HIVEP2: variants seen among roughly 807,000 people sequenced by gnomAD.
HIVEP2 encodes the protein transcription factor HIVEP2.
Under a neutral mutation model 180.7 loss-of-function variants are expected in HIVEP2, and 14 were observed. That is an observed-to-expected ratio of 0.08 (90% CI 0.05 to 0.12). The LOEUF (loss-of-function observed/expected upper bound fraction) is 0.12, where lower values mean the gene tolerates loss of function less well. Ranked by LOEUF, HIVEP2 falls within the 10% of genes least tolerant of loss-of-function variation. HIVEP2 has a pLI of 1.00. For synonymous variants in HIVEP2, 1,184 were observed against 1,136.4 expected (o/e 1.04, Z -0.84); for missense variants, 2,579 against 3,008.5 (o/e 0.86, Z 3.34).
chr6:142,826,632 G>C (rs535484413), intron 2 of HIVEP2, among the ~76,000 whole-genome samples: 1 of 152,252 alleles, frequency 6.6e-6, no homozygotes, highest in South Asian at 2.1e-4. Context: ...AGAATGCATG[G>C]CAATTTTTTC....
intron 1 of HIVEP2, among the ~76,000 whole-genome samples, chr6:142,880,798 G>T (rs1172970064): frequency 1.3e-5 from 2 of 152,072 alleles, no homozygotes; most frequent in African/African-American, 4.8e-5. Context: ...GGCACAATTT[G>T]AGGCCACAAT....
At chr6:142,796,773 C>T (rs547672994) in intron 2 of HIVEP2, among the ~76,000 whole-genome samples, 1 of 152,232 alleles carries the variant, frequency 6.6e-6, no homozygotes, top group South Asian at 2.1e-4. Flanking sequence ...TGTGCAAGAA[C>T]CAGGAGAGAT....
At position 142,761,483 on chromosome 6, in the gene HIVEP2, A is replaced by T; in HGVS notation, c.5601T>A (p.Asp1867Glu). The T allele has an allele frequency of 6.3e-7, 1 of 1,593,846 alleles. No individual in the cohort carries two copies. Among genetic ancestry groups the T allele is most frequent in the Non-Finnish European group, 8.6e-7 (1 of 1,161,682 alleles). ...ACACACCTGCTTCCTCAGTTTCTGT[A>T]TCATCCACCGATGTCATTGAGACTC... is the stretch of plus-strand genomic sequence containing the variant. ...ELGVSMTSVD[D>E]TETEEAENLE... The change falls in exon 8 of 10, where the codon GAT (aspartate) becomes GAA (glutamate). Residue 1867 changes from aspartate (D) to glutamate (E), a missense_variant. By Grantham distance (45) the Asp-to-Glu change is conservative (BLOSUM62 2). This residue lies in a region of HIVEP2 where 660 missense variants were observed against 731.7 expected (regional missense o/e 0.90). Transcript: ENST00000367603.
At chr6:142,831,092 C>T (rs996448196) in intron 2 of HIVEP2, among the ~76,000 whole-genome samples, 4 of 152,162 alleles carry the variant, frequency 2.6e-5, no homozygotes, top group African/African-American at 9.7e-5. Flanking sequence ...TGCCTGGGAT[C>T]CAGGGACAAT....
At chr6:142,938,304 A>C (rs1191830952) in intron 1 of HIVEP2, among the ~76,000 whole-genome samples, 1 of 152,246 alleles carries the variant, frequency 6.6e-6, no homozygotes, top group African/African-American at 2.4e-5. Flanking sequence ...GCAGTATAAA[A>C]TAACCTCAAT....
upstream of HIVEP2, among the ~76,000 whole-genome samples, chr6:142,945,617 G>T (rs2128442940): frequency 6.6e-6 from 1 of 152,340 alleles, no homozygotes; most frequent in South Asian, 2.1e-4. The surrounding 1 kb of genome is among the most constrained non-coding windows in gnomAD (Gnocchi z 5.5). Flanking sequence ...GAACGAGCCG[G>T]GAGACCCTCC....
intron 2 of HIVEP2, among the ~76,000 whole-genome samples, chr6:142,800,476 T>C (rs954934926): frequency 6.6e-6 from 1 of 152,152 alleles, no homozygotes; most frequent in Non-Finnish European, 1.5e-5. Context: ...TTTTTATATA[T>C]GCCTAATATG....
chr6:142,779,121 G>C (rs1490962620), intron 3 of HIVEP2, among the ~76,000 whole-genome samples: 1 of 152,022 alleles, frequency 6.6e-6, no homozygotes, highest in Non-Finnish European at 1.5e-5. Context: ...TAGAGGAGGG[G>C]GGTCTCACTT....
chr6:142,851,461 G>A (rs896118287), intron 1 of HIVEP2, among the ~76,000 whole-genome samples: 23 of 152,244 alleles, frequency 1.5e-4, no homozygotes, highest in African/African-American at 4.6e-4. Context: ...CGGTAATGGA[G>A]TTTGAAACAA....
At chr6:142,790,586 T>C (rs982396696) in intron 2 of HIVEP2, among the ~76,000 whole-genome samples, 1 of 152,226 alleles carries the variant, frequency 6.6e-6, no homozygotes, top group Non-Finnish European at 1.5e-5. Context: ...AATGCTTATG[T>C]TTACTATTCG....
chr6:142,930,968 T>A (rs1777929901), intron 1 of HIVEP2, among the ~76,000 whole-genome samples: 1 of 152,156 alleles, frequency 6.6e-6, no homozygotes, highest in Non-Finnish European at 1.5e-5. Context: ...AAAAGAAAAG[T>A]TCCAAAATCA....
intron 3 of HIVEP2, chr6:142,779,630 C>T (rs1490472464): frequency 1.3e-5 from 2 of 151,816 alleles, no homozygotes; most frequent in Admixed American, 6.6e-5. Flanking sequence ...AACAAACAAA[C>T]AAACAAAACA....
At chr6:142,895,513 G>A (rs1776964216) in intron 1 of HIVEP2, among the ~76,000 whole-genome samples, 1 of 152,144 alleles carries the variant, frequency 6.6e-6, no homozygotes, top group Non-Finnish European at 1.5e-5. Context: ...TTTTCAGCAA[G>A]TTGCCAAGGT....
intron 1 of HIVEP2, among the ~76,000 whole-genome samples, chr6:142,874,136 T>C (rs1388696043): frequency 6.6e-6 from 1 of 152,144 alleles, no homozygotes; most frequent in East Asian, 1.9e-4. Flanking sequence ...TCCAAATACC[T>C]GAACAAACTG....
Position 142,775,102 on chromosome 6 carries a change from C to T in HIVEP2, c.-364G>A. On this transcript the variant is annotated 5_prime_UTR_variant, in exon 5 of 10. Coordinates refer to ENST00000367603, the MANE Select transcript of HIVEP2 (RefSeq NM_006734.4). ...CATCAACTAGAGCAAAGTTCAATTG[C>T]CAGTTTCACTAAGATAAAATGATCT... 9.9e-7 allele frequency: 1 copy of T among 1,009,418 alleles called. No homozygotes were observed. The highest frequency in any genetic ancestry group is 1.2e-6 in the Non-Finnish European group (1 of 845,446). The allele number at this position is 1,009,418 out of a possible 1,614,324, so 62.5% of individuals were successfully genotyped here. A position where few individuals can be genotyped will look rare whatever the true frequency, so the allele number is the denominator to read the frequency against.
rs143713716 is a variant in HIVEP2 at position 142,912,401 on chromosome 6, A to C, written c.-641+32698T>G. On this transcript the variant is annotated intron_variant, in intron 1 of 9. Coordinates refer to ENST00000367603, the MANE Select transcript of HIVEP2 (RefSeq NM_006734.4). ...CTCAAGCCCCTCTAGTAGAATTCAT[A>C]TATTTCTCCTCAGAAATCCCTTCCC... Among the ~76,000 whole-genome samples the C allele has an allele frequency of 3.8e-3, 576 of 152,290 alleles. 4 individuals carry two copies. Among genetic ancestry groups the C allele is most frequent in the African/African-American group, 0.013 (546 of 41,552 alleles).
rs917976603 is a variant in HIVEP2 at position 142,945,035 on chromosome 6, G to C, written c.-641+64C>G. ...TCGCTCGGCCGCAGGCCGGCGGCCC[G>C]GGCCTCGCGCCGCCAGCCCGCCCGG... On this transcript the variant is annotated intron_variant, in intron 1 of 9. Coordinates refer to ENST00000367603, the MANE Select transcript of HIVEP2 (RefSeq NM_006734.4). The surrounding 1 kb of genome is among the most constrained non-coding windows in gnomAD (Gnocchi z 5.5). 8 of 146,752 alleles carry C rather than the reference G, an allele frequency of 5.5e-5. No individual in the cohort carries two copies. The highest frequency in any genetic ancestry group is 2.0e-4 in the African/African-American group (8 of 40,898). The allele number at this position is 146,752 out of a possible 1,614,324, so 9.1% of individuals were successfully genotyped here.
rs750135342 is a variant in HIVEP2 at position 142,759,993 on chromosome 6, C to G, written c.6295G>C (p.Glu2099Gln). Residue 2099 changes from glutamate (E) to glutamine (Q), a missense_variant, in exon 9 of 10, where the codon GAG becomes CAG. Glu to Gln is a conservative substitution (Grantham distance 29). This residue lies in a region of HIVEP2 where 660 missense variants were observed against 731.7 expected (regional missense o/e 0.90). Transcript: ENST00000367603. Reference sequence around the variant, plus strand: ...GGTGAAACATCTCTTTGGGACATCTCTCTTCTCAATGCAGCTTCCTTTCTT... The same window carrying G: ...GGTGAAACATCTCTTTGGGACATCTGTCTTCTCAATGCAGCTTCCTTTCTT... ...SPRKEAALRR[E>Q]MSQRDVSPRR... The G allele has an allele frequency of 8.7e-6, 14 of 1,614,014 alleles. No homozygotes were observed. Among genetic ancestry groups the G allele is most frequent in the Non-Finnish European group, 1.1e-5 (13 of 1,179,950 alleles).
At chr6:142,823,863 A>G (rs1171141191) in intron 2 of HIVEP2, among the ~76,000 whole-genome samples, 1 of 152,258 alleles carries the variant, frequency 6.6e-6, no homozygotes, top group Non-Finnish European at 1.5e-5. Context: ...TTTCAAAAAA[A>G]TATTAAAAAG....
Sources: gnomAD v4.1 joint callset for allele counts (sites outside exome capture counted in the v4.1 genomes callset) on GRCh38, gnomAD v4.1.1 for gene constraint, gnomAD v4.1.1 regional missense constraint, Gnocchi (gnomAD v3.1) non-coding constraint, MANE v1.5 for transcripts, NCBI Gene and HGNC (gene_info 2026-07-23, HGNC 2026-07-21) for gene names.